DGKK: variants seen among roughly 807,000 people sequenced by gnomAD.
DGKK encodes 142 kDa diacylglycerol kinase.
A neutral mutation model predicts 92.2 loss-of-function variants in DGKK; 35 were observed. That is an observed-to-expected ratio of 0.38 (90% confidence interval 0.29 to 0.50). The LOEUF (loss-of-function observed/expected upper bound fraction) is 0.50, where lower values mean the gene tolerates loss of function less well. Among genes scored for constraint, DGKK ranks in the 20% least tolerant of loss-of-function variants. The probability of loss-of-function intolerance (pLI) is 0.92; values close to 1 mark genes in which losing one functional copy is unlikely to be tolerated. For synonymous variants in DGKK, 368 were observed against 360.6 expected (o/e 1.02, Z -0.23); for missense variants, 910 against 992.2 (o/e 0.92, Z 1.11).
intron 4 of DGKK, among the ~76,000 whole-genome samples, chrX:50,408,733 T>C (rs1461945802): frequency 8.9e-6 from 1 of 111,914 alleles, no homozygotes; most frequent in Non-Finnish European, 1.9e-5. Context: ...GTCTCAACAT[T>C]GTATTTTGGA....
At chrX:50,432,864 C>T (rs1034867512) in intron 1 of DGKK, among the ~76,000 whole-genome samples, 1 of 111,859 alleles carries the variant, frequency 8.9e-6, no homozygotes, top group African/African-American at 3.3e-5. Context: ...AATATCTCTG[C>T]CCCTCCCCCC....
intron 8 of DGKK, among the ~76,000 whole-genome samples, 194 bp downstream of exon 8, chrX:50,400,843 T>C (rs1010290403): frequency 2.7e-5 from 3 of 111,007 alleles, no homozygotes; most frequent in Non-Finnish European, 5.7e-5. Context: ...CACATACATA[T>C]ACACCAGAAA....
chrX:50,426,174 G>T (rs193239313), intron 1 of DGKK, among the ~76,000 whole-genome samples: 7 of 111,412 alleles, frequency 6.3e-5, no homozygotes, highest in African/African-American at 2.3e-4. Flanking sequence ...TTATTTTGTC[G>T]TATGTAATGT....
At chrX:50,410,137 GA>G (rs1925268818) in intron 4 of DGKK, among the ~76,000 whole-genome samples, 1 of 112,194 alleles carries the variant, frequency 8.9e-6, no homozygotes, top group Admixed American at 9.4e-5. Flanking sequence ...TAAAAATGTA[GA>G]AAAAACTTTG....
rs782106754 is a variant in DGKK at position 50,377,743 on chromosome X, T to C, written c.3111+355A>G. 9.0e-4 allele frequency among the ~76,000 whole-genome samples: 101 copies of C among 112,421 alleles called. 1 individual carries two copies. The highest frequency in any genetic ancestry group is 3.0e-3 in the African/African-American group (93 of 30,966). Reference sequence around the variant, plus strand: ...AGGAGAAGATTTTTCCATAATCATCTGACGCTTTTAGCTCTCTTTGCAGTG... The same window carrying C: ...AGGAGAAGATTTTTCCATAATCATCCGACGCTTTTAGCTCTCTTTGCAGTG... On this transcript the variant is annotated intron_variant, in intron 22 of 27. Transcript: ENST00000611977.
Position 50,470,595 on chromosome X carries a change from C to T in DGKK, c.84G>A (p.Pro28=). The T allele has an allele frequency of 1.7e-6, 2 of 1,192,489 alleles. No individual in the cohort carries two copies. Among genetic ancestry groups the T allele is most frequent in the Non-Finnish European group, 1.1e-6 (1 of 889,105 alleles). ...GTGGTGGTGGCGGCGGCGGCCAAGG[C>T]GGCGGAGGCTCTGGAGACTCAGCGG... is the stretch of plus-strand genomic sequence containing the variant. ...EQPAESPEPP[P]PWPPPPPPPA... is the part of the protein sequence containing the mutation. The change falls in exon 1 of 28, where the codon CCG becomes CCA. Residue 28 remains proline (P), a synonymous_variant. Coordinates refer to ENST00000611977, the MANE Select transcript of DGKK (RefSeq NM_001013742.4).
chrX:50,382,409 C>T, intron 18 of DGKK, 87 bp downstream of exon 18: 2 of 664,900 alleles, frequency 3.0e-6, no homozygotes, highest in Non-Finnish European at 4.4e-6. Context: ...CTTTCTGTTG[C>T]TTGTCTGAGA....
chrX:50,408,673 G>A (rs1375489806), intron 4 of DGKK, among the ~76,000 whole-genome samples: 3 of 111,240 alleles, frequency 2.7e-5, no homozygotes, highest in East Asian at 2.9e-4. Flanking sequence ...ATGAGCCACC[G>A]CGCCCGGCCA....
In DGKK at chrX:50,447,428, T is replaced by TATATATATA. The variant is rs1425908429; in HGVS notation, c.645+22597_645+22605dup. Among the ~76,000 whole-genome samples the TATATATATA allele has an allele frequency of 1.3e-3, 21 of 16,120 alleles. 1 individual carries two copies. In the African/African-American group the frequency reaches 0.022, roughly 17 times the overall value. 14.0% of individuals were successfully genotyped at this position (16,120 alleles called of 115,157 possible). On this transcript the variant is annotated intron_variant, in intron 1 of 27. Transcript: ENST00000611977. Reference sequence around the variant, plus strand: ...ATATATAATATATATATATATATATTATATATATATTTCACAGAAGTTGAG... The same window carrying TATATATATA: ...ATATATAATATATATATATATATATTATATATATAATATATATATTTCACAGAAGTTGAG...
chrX:50,366,763 A>G lies in DGKK; in HGVS notation c.*2177T>C, dbSNP rs1174565959. 2.7e-5 allele frequency: 3 copies of G among 111,651 alleles called. No homozygotes were observed. The highest frequency in any genetic ancestry group is 9.8e-5 in the African/African-American group (3 of 30,672). 9.2% of individuals were successfully genotyped at this position (111,651 alleles called of 1,213,427 possible). A position where few individuals can be genotyped will look rare whatever the true frequency, so the allele number is the denominator to read the frequency against. ...TCTGTGAGTGTGTGTGCAGGTGTCAATGCATGCAGCCATAGAGGAGCCAAG... is the reference window on the plus strand; with the variant it reads ...TCTGTGAGTGTGTGTGCAGGTGTCAGTGCATGCAGCCATAGAGGAGCCAAG... On this transcript the variant is annotated 3_prime_UTR_variant, in exon 28 of 28. Transcript: ENST00000611977.
At position 50,366,979 on chromosome X, in the gene DGKK, CTA is replaced by C. The variant is rs1418412255; in HGVS notation, c.*1959_*1960del. The stretch of plus-strand genomic sequence containing the variant: ...CATCTTTTTCCATTGACTTTCTTCT[CTA>C]GTTGTAGAGCTAGGACTTAGTTTGG... On this transcript the variant is annotated 3_prime_UTR_variant, in exon 28 of 28. Transcript: ENST00000611977. 9 of 112,677 alleles carry C rather than the reference CTA, an allele frequency of 8.0e-5. No individual in the cohort carries two copies. Among genetic ancestry groups the C allele is most frequent in the Admixed American group, 4.7e-4 (5 of 10,656 alleles). The allele number at this position is 112,677 out of a possible 1,213,427, so 9.3% of individuals were successfully genotyped here.
chrX:50,459,060 T>C (rs1197338523), intron 1 of DGKK, among the ~76,000 whole-genome samples: 2 of 111,689 alleles, frequency 1.8e-5, no homozygotes, highest in Non-Finnish European at 3.8e-5. Context: ...ACCTAATCCA[T>C]CTCTGAAAAC....
chrX:50,391,546 C>T lies in DGKK; in HGVS notation c.1735G>A (p.Gly579Ser), dbSNP rs368794595. The part of the protein sequence containing the change: ...CQLAVIPLGT[G>S]NDLARVLGWG... ...CCCAGAACACGAGCCAGATCATTGC[C>T]GGTTCCAAGTGGGATGACTGCCAAC... Residue 579 changes from glycine to serine, a missense_variant, in exon 11 of 28, where the codon GGC becomes AGC. Coordinates refer to ENST00000611977, the MANE Select transcript of DGKK (RefSeq NM_001013742.4). 9 of 1,209,419 alleles carry T rather than the reference C, an allele frequency of 7.4e-6. No homozygotes were observed. The highest frequency in any genetic ancestry group is 3.5e-5 in the African/African-American group (2 of 57,094).
rs377685874 is a variant in DGKK, at chrX:50,387,544, G to A, written c.2118+10C>T. 2.1e-5 allele frequency: 25 copies of A among 1,179,447 alleles called. No individual in the cohort carries two copies. Among genetic ancestry groups the A allele is most frequent in the Non-Finnish European group, 2.9e-5 (25 of 869,018 alleles). ...ACAAAGAGTATAAGACAAAAGGAAT[G>A]GGAACTTACTTTCAAAATCACAGAC... On this transcript the variant is annotated intron_variant, in intron 14 of 27. Coordinates refer to ENST00000611977, the MANE Select transcript of DGKK (RefSeq NM_001013742.4).
chrX:50,426,223 C>A (rs979685775), intron 1 of DGKK, among the ~76,000 whole-genome samples: 1 of 111,883 alleles, frequency 8.9e-6, no homozygotes, highest in Admixed American at 9.5e-5. Flanking sequence ...TGGTTGGCTA[C>A]TTTTCCCTTC....
At position 50,384,877 on chromosome X, in the gene DGKK, G is replaced by A. The variant is rs183533551; in HGVS notation, c.2348-53C>T. On this transcript the variant is annotated intron_variant, in intron 15 of 27. Transcript: ENST00000611977. ...GCAAAAAAGAAAGGAGGAAGGGAGGGAGGAAGAAAGGAGGGAGGGAGGATG... is the reference window on the plus strand; with the variant it reads ...GCAAAAAAGAAAGGAGGAAGGGAGGAAGGAAGAAAGGAGGGAGGGAGGATG... 5.2e-5 allele frequency: 47 copies of A among 901,022 alleles called. 1 individual carries two copies. In the Admixed American group the frequency reaches 8.1e-4, roughly 16 times the overall value. The allele number at this position is 901,022 out of a possible 1,213,427, so 74.3% of individuals were successfully genotyped here.
intron 1 of DGKK, among the ~76,000 whole-genome samples, chrX:50,447,084 G>A (rs1202042646): frequency 1.9e-5 from 2 of 103,653 alleles, no homozygotes; most frequent in East Asian, 6.1e-4. Flanking sequence ...TACCATGCCT[G>A]ATGTGCATGG....
intron 1 of DGKK, among the ~76,000 whole-genome samples, chrX:50,440,673 C>T (rs1926150374): frequency 9.0e-6 from 1 of 111,490 alleles, no homozygotes; most frequent in African/African-American, 3.3e-5. Context: ...AAATCCGTCT[C>T]TTTGCTCATG....
chrX:50,446,995 C>G (rs1404954347), intron 1 of DGKK, among the ~76,000 whole-genome samples: 2 of 108,224 alleles, frequency 1.8e-5, no homozygotes, highest in East Asian at 5.9e-4. Context: ...TGCATATGTA[C>G]TACGATGGAA....
Sources: gnomAD v4.1 joint callset for allele counts (sites outside exome capture counted in the v4.1 genomes callset) on GRCh38, gnomAD v4.1.1 for gene constraint, MANE v1.5 for transcripts, NCBI Gene and HGNC (gene_info 2026-07-23, HGNC 2026-07-21) for gene names.